WNK4: variants seen among roughly 807,000 people sequenced by gnomAD.
WNK4 encodes serine/threonine-protein kinase WNK4.
A neutral mutation model predicts 116.2 loss-of-function variants in WNK4; 94 were observed. The ratio of observed to expected loss-of-function variants is 0.81; its 90% confidence interval spans 0.68 to 0.96. The LOEUF (loss-of-function observed/expected upper bound fraction) is 0.96. Ranked by LOEUF, WNK4 falls within the 40% of genes least tolerant of loss-of-function variation. The probability of loss-of-function intolerance (pLI) is 0.00; values close to 1 mark genes in which losing one functional copy is unlikely to be tolerated. For missense variants in WNK4, 1,542 were observed against 1,650.6 expected (o/e 0.93, Z 1.14); for synonymous variants, 655 against 672.7 (o/e 0.97, Z 0.41).
At chr17:42,794,096 C>T (rs1283420607) in intron 12 of WNK4, 10 of 334,840 alleles carry the variant, frequency 3.0e-5, no homozygotes, top group East Asian at 8.2e-5. Flanking sequence ...CCTCGTGATC[C>T]GCCCTCCTCG....
Position 42,795,008 on chromosome 17 carries a change from C to G in WNK4, c.2587C>G (p.Leu863Val). 6.2e-7 allele frequency: 1 copy of G among 1,613,522 alleles called. No individual in the cohort carries two copies. Among genetic ancestry groups the G allele is most frequent in the Non-Finnish European group, 8.5e-7 (1 of 1,179,864 alleles). The change falls in exon 14 of 19, where the codon CTT (leucine) becomes GTT (valine). Residue 863 changes from leucine to valine, a missense_variant. Around this residue, in one of 7 missense-constraint regions of WNK4, gnomAD observed 808 missense variants for 873.6 expected, o/e 0.92. Transcript: ENST00000246914. ...NPSPHPTSSP[L>V]PFSSSTPEFP... ...CTCTCCACACCCCACCAGCTCTCCA[C>G]TTCCATTCTCCTCCAGCACACCCGA... is the stretch of plus-strand genomic sequence containing the variant.
At position 42,783,933 on chromosome 17, in the gene WNK4, C is replaced by G. The variant is rs202101992; in HGVS notation, c.792-4C>G. 6.2e-7 allele frequency: 1 copy of G among 1,612,728 alleles called. No individual in the cohort carries two copies. The highest frequency in any genetic ancestry group is 8.5e-7 in the Non-Finnish European group (1 of 1,179,658). The stretch of plus-strand genomic sequence containing the variant: ...CAGGACTCTGGCTATGCGCCCTCCC[C>G]CAGGTACCTGAGGCGGTTCCGGGAG... On this transcript the variant is annotated splice_polypyrimidine_tract_variant and splice_region_variant and intron_variant, in intron 2 of 18. Transcript: ENST00000246914.
intron 10 of WNK4, 57 bp downstream of exon 10, chr17:42,788,464 A>C (rs1213105641): frequency 6.4e-7 from 1 of 1,565,754 alleles, no homozygotes; most frequent in African/African-American, 1.4e-5. Context: ...GGGAAGTGTC[A>C]GGGGGAGGCG....
rs1197507160 is a variant in WNK4, at chr17:42,793,582, C to A, written c.2158-10C>A. On this transcript the variant is annotated splice_polypyrimidine_tract_variant and intron_variant, in intron 11 of 18. Coordinates refer to ENST00000246914, the MANE Select transcript of WNK4 (RefSeq NM_032387.5). The stretch of plus-strand genomic sequence containing the variant: ...AAGCTCTCCCTCCCCATCCTGTTGA[C>A]CCTCGCAAGGTATATAACGAGTTCA... The A allele has an allele frequency of 1.9e-6, 3 of 1,613,492 alleles. No individual in the cohort carries two copies. The highest frequency in any genetic ancestry group is 1.7e-5 in the Admixed American group (1 of 59,992).
Position 42,781,123 on chromosome 17 carries a change from T to TC in WNK4, c.428dup (p.Glu144Ter), listed in dbSNP as rs2054478530. ...CCGGGGTCCAGGGAGCCGCTAAGGG[T>TC]CCCTGAAGCTGTGGCCCTAGAGCGG... On this transcript the variant is annotated frameshift_variant, in exon 1 of 19. Coordinates refer to ENST00000246914, the MANE Select transcript of WNK4 (RefSeq NM_032387.5). LOFTEE classifies it high-confidence loss of function. 6 of 1,613,778 alleles carry TC rather than the reference T, an allele frequency of 3.7e-6. No individual in the cohort carries two copies. The highest frequency in any genetic ancestry group is 5.1e-6 in the Non-Finnish European group (6 of 1,179,928).
chr17:42,795,644 T>C lies in WNK4; in HGVS notation c.3042T>C (p.Val1014=), dbSNP rs1597904714. The C allele has an allele frequency of 6.2e-7, 1 of 1,613,658 alleles. No individual in the cohort carries two copies. The highest frequency in any genetic ancestry group is 2.2e-5 in the East Asian group (1 of 44,890). The change falls in exon 16 of 19, where the codon GTT becomes GTC. Residue 1014 remains valine, a synonymous_variant. Coordinates refer to ENST00000246914, the MANE Select transcript of WNK4 (RefSeq NM_032387.5). ...CTACAGAGGGAAAGCCGCAGCTTGTTGGGCGTTTCCAAGTGACTTCATCCA... is the reference window on the plus strand; with the variant it reads ...CTACAGAGGGAAAGCCGCAGCTTGTCGGGCGTTTCCAAGTGACTTCATCCA... ...PISEEGKPQL[V]GRFQVTSSKE...
intron 17 of WNK4, 74 bp from the exon 18 acceptor site, chr17:42,796,407 C>T: frequency 6.2e-7 from 1 of 1,613,598 alleles, no homozygotes; most frequent in Non-Finnish European, 8.5e-7. Flanking sequence ...GGGGTCTGCC[C>T]CGGGGGAATA....
chr17:42,795,150 C>T lies in WNK4; in HGVS notation c.2729C>T (p.Pro910Leu), dbSNP rs1224092045. ...TLSSPFFPPC[P>L]STSSFPSTTA... ...AGTTCCCCTTTCTTTCCTCCGTGCC[C>T]CTCCACTTCTTCCTTCCCCTCCACC... Residue 910 changes from proline to leucine, a missense_variant, in exon 14 of 19, where the codon CCC becomes CTC. This residue lies in a region of WNK4 where 292 missense variants were observed against 290.1 expected (regional missense o/e 1.01). Coordinates refer to ENST00000246914, the MANE Select transcript of WNK4 (RefSeq NM_032387.5). 2 of 1,613,948 alleles carry T rather than the reference C, an allele frequency of 1.2e-6. No homozygotes were observed. Among genetic ancestry groups the T allele is most frequent in the African/African-American group, 1.3e-5 (1 of 74,888 alleles).
Position 42,794,627 on chromosome 17 carries a change from C to T in WNK4, c.2309C>T (p.Pro770Leu). 1 of 1,613,990 alleles carries T rather than the reference C, an allele frequency of 6.2e-7. No individual in the cohort carries two copies. Among genetic ancestry groups the T allele is most frequent in the East Asian group, 2.2e-5 (1 of 44,874 alleles). The stretch of plus-strand genomic sequence containing the variant: ...TTTCTGCCTCAGGAGGAGCCAGCAC[C>T]ATTACCTGCCCTGCCCGTCCCCCTC... ...DTLSPQEEPA[P>L]LPALPVPLPD... The change falls in exon 13 of 19, where the codon CCA (proline) becomes CTA (leucine). Residue 770 changes from proline (P) to leucine (L), a missense_variant. Physicochemically the swap from Pro to Leu is moderately conservative, Grantham distance 98. Around this residue, in one of 7 missense-constraint regions of WNK4, gnomAD observed 808 missense variants for 873.6 expected, o/e 0.92. Coordinates refer to ENST00000246914, the MANE Select transcript of WNK4 (RefSeq NM_032387.5).
chr17:42,787,823 A>G lies in WNK4; in HGVS notation c.1787A>G (p.Asp596Gly). 6.2e-7 allele frequency: 1 copy of G among 1,612,518 alleles called. No homozygotes were observed. Among genetic ancestry groups the G allele is most frequent in the South Asian group, 1.1e-5 (1 of 91,086 alleles). ...TACCTCAGCTCCTCCGGCTTCCTGG[A>G]TGCCTCAGACCCTGCCCTTCAGCCC... ...DGYLSSSGFL[D>G]ASDPALQPPG... Residue 596 changes from aspartate (D) to glycine (G), a missense_variant, in exon 8 of 19, where the codon GAT becomes GGT. Asp to Gly is a moderately conservative substitution (Grantham distance 94, BLOSUM62 -1). Coordinates refer to ENST00000246914, the MANE Select transcript of WNK4 (RefSeq NM_032387.5).
At position 42,785,298 on chromosome 17, in the gene WNK4, T is replaced by A; in HGVS notation, c.1292T>A (p.Phe431Tyr). Residue 431 changes from phenylalanine (F) to tyrosine (Y), a missense_variant, in exon 6 of 19, where the codon TTC becomes TAC. Phe to Tyr is a conservative substitution (Grantham distance 22, BLOSUM62 3). This residue lies in a region of WNK4 where 808 missense variants were observed against 873.6 expected (regional missense o/e 0.92). Coordinates refer to ENST00000246914, the MANE Select transcript of WNK4 (RefSeq NM_032387.5). ...ATCCAGGACCTCCTGGCCCACGCCTTCTTCCGCGAGGAGCGCGGTGTGCAC... is the reference window on the plus strand; with the variant it reads ...ATCCAGGACCTCCTGGCCCACGCCTACTTCCGCGAGGAGCGCGGTGTGCAC... ...FTIQDLLAHA[F>Y]FREERGVHVE... is the part of the protein sequence containing the mutation. 1 of 1,611,954 alleles carries A rather than the reference T, an allele frequency of 6.2e-7. No homozygotes were observed. Among genetic ancestry groups the A allele is most frequent in the Non-Finnish European group, 8.5e-7 (1 of 1,179,188 alleles).
At position 42,795,642 on chromosome 17, in the gene WNK4, G is replaced by T. The variant is rs779514440; in HGVS notation, c.3040G>T (p.Val1014Phe). Residue 1014 changes from valine (V) to phenylalanine (F), a missense_variant, in exon 16 of 19, where the codon GTT becomes TTT. Transcript: ENST00000246914. Reference protein sequence around the residue: ...PISEEGKPQLVGRFQVTSSKE... With the variant: ...PISEEGKPQLFGRFQVTSSKE... ...CCCTACAGAGGGAAAGCCGCAGCTT[G>T]TTGGGCGTTTCCAAGTGACTTCATC... The T allele has an allele frequency of 1.9e-6, 3 of 1,613,650 alleles. No individual in the cohort carries two copies. Among genetic ancestry groups the T allele is most frequent in the South Asian group, 1.1e-5 (1 of 91,088 alleles).
chr17:42,795,998 G>A lies in WNK4; in HGVS notation c.3396G>A (p.Glu1132=), dbSNP rs150858674. ...SEESESSGED[E]EFWAELQSLR... The stretch of plus-strand genomic sequence containing the variant: ...AGTCAGAAAGCAGTGGGGAAGATGA[G>A]GAGTTCTGGGCTGAGCTGCAGAGTC... The change falls in exon 16 of 19, where the codon GAG becomes GAA. Residue 1132 remains glutamate, a synonymous_variant. Transcript: ENST00000246914. The A allele has an allele frequency of 5.6e-6, 9 of 1,613,838 alleles. No individual in the cohort carries two copies. Among genetic ancestry groups the A allele is most frequent in the Non-Finnish European group, 7.6e-6 (9 of 1,180,040 alleles).
At position 42,796,041 on chromosome 17, in the gene WNK4, T is replaced by G. The variant is rs2054666653; in HGVS notation, c.3431+8T>G. The G allele has an allele frequency of 2.5e-6, 4 of 1,613,714 alleles. No homozygotes were observed. On this transcript the variant is annotated splice_region_variant and intron_variant, in intron 16 of 18. Coordinates refer to ENST00000246914, the MANE Select transcript of WNK4 (RefSeq NM_032387.5). ...GCAGAGTCTTCGGCAGAAGTGAGTC[T>G]CGGGAGGATGGAGGAGTGAGAGGAG...
intron 16 of WNK4, 34 bp downstream of exon 16, chr17:42,796,067 A>G: frequency 1.2e-6 from 2 of 1,613,998 alleles, no homozygotes; most frequent in Non-Finnish European, 1.7e-6. Flanking sequence ...GTGAGAGGAG[A>G]ACCTGGGAGA....
At position 42,794,608 on chromosome 17, in the gene WNK4, C is replaced by T. The variant is rs1300269424; in HGVS notation, c.2296-6C>T. The T allele has an allele frequency of 6.2e-7, 1 of 1,613,938 alleles. No homozygotes were observed. The highest frequency in any genetic ancestry group is 1.7e-5 in the Admixed American group (1 of 60,016). ...CTGTGACTGCGGACTCCTTTTTCTG[C>T]CTCAGGAGGAGCCAGCACCATTACC... On this transcript the variant is annotated splice_region_variant and splice_polypyrimidine_tract_variant and intron_variant, in intron 12 of 18. Transcript: ENST00000246914.
chr17:42,783,771 C>T, intron 2 of WNK4, 166 bp from the exon 3 acceptor site: 1 of 692,754 alleles, frequency 1.4e-6, no homozygotes. Context: ...CACCATGCCC[C>T]CTGACTCAGT....
chr17:42,787,165 CAGTA>C (rs1358019662), intron 6 of WNK4, 109 bp from the exon 7 acceptor site: 1 of 1,460,894 alleles, frequency 6.8e-7, no homozygotes, highest in Admixed American at 1.9e-5. Flanking sequence ...AGTGGGTAAT[CAGTA>C]AGTGTTGGTT....
chr17:42,782,961 G>T lies in WNK4; in HGVS notation c.791+31G>T. ...CTCTGCGCATGAGTGGGTGGGGAGA[G>T]GGAGGCTGGGATGTGTGCCCACTGC... is the stretch of plus-strand genomic sequence containing the variant. On this transcript the variant is annotated intron_variant, in intron 2 of 18. Transcript: ENST00000246914. This position sits in a 1 kb window ranked among gnomAD's most constrained non-coding sequence, Gnocchi z 4.2. 1 of 1,610,550 alleles carries T rather than the reference G, an allele frequency of 6.2e-7. No individual in the cohort carries two copies. Among genetic ancestry groups the T allele is most frequent in the African/African-American group, 1.3e-5 (1 of 74,988 alleles).
Sources: gnomAD v4.1 joint callset for allele counts on GRCh38, gnomAD v4.1.1 for gene constraint, gnomAD v4.1.1 regional missense constraint, Gnocchi (gnomAD v3.1) non-coding constraint, MANE v1.5 for transcripts, NCBI Gene and HGNC (gene_info 2026-07-23, HGNC 2026-07-21) for gene names.